The following SAMMSON variants were observed in gnomAD, a reference collection of about 807,000 sequenced individuals.
The protein encoded by SAMMSON is long intergenic non-protein coding RNA 1212.
At chr3:70,049,254 A>G (rs1433410435) in intron 3 of SAMMSON, among the ~76,000 whole-genome samples, 2 of 152,110 alleles carry the variant, frequency 1.3e-5, no homozygotes, top group Admixed American at 6.6e-5. Context: ...GTCTGTGCAT[A>G]TGATGCTTAG....
At chr3:70,223,275 C>T (rs535936102) in intron 4 of SAMMSON, among the ~76,000 whole-genome samples, 1 of 152,216 alleles carries the variant, frequency 6.6e-6, no homozygotes, top group Admixed American at 6.5e-5. Flanking sequence ...AGTTATTTAG[C>T]CAAGGTCACA....
intron 4 of SAMMSON, among the ~76,000 whole-genome samples, chr3:70,192,164 C>T (rs184317953): frequency 1.3e-5 from 2 of 152,258 alleles, no homozygotes; most frequent in South Asian, 2.1e-4. Context: ...TACCCCCTTT[C>T]CCCCAAAGTG....
intron 6 of SAMMSON, among the ~76,000 whole-genome samples, chr3:70,289,835 C>G (rs900269618): frequency 2.0e-5 from 3 of 152,048 alleles, no homozygotes; most frequent in African/African-American, 7.2e-5. Context: ...GATACCCTTT[C>G]TTCCAGTTGA....
At chr3:70,036,526 G>T (rs2067085736) in intron 3 of SAMMSON, among the ~76,000 whole-genome samples, 1 of 152,132 alleles carries the variant, frequency 6.6e-6, no homozygotes, top group South Asian at 2.1e-4. Flanking sequence ...ACCCAATTCT[G>T]ACCAATGAAA....
At chr3:70,133,405 T>G (rs1320215768) in intron 4 of SAMMSON, among the ~76,000 whole-genome samples, 2 of 152,188 alleles carry the variant, frequency 1.3e-5, no homozygotes, top group African/African-American at 4.8e-5. Flanking sequence ...GTCCCCCATG[T>G]CTTGCCCTAA....
chr3:70,293,045 CAAAAAAAA>C lies in SAMMSON; in HGVS notation n.739+1821_739+1828del, dbSNP rs55990203. ...GAACTTTGATTTCTGTGGTTTGAAG[CAAAAAAAA>C]AAAAAAAAAAAAAAAAAAGTAGCAT... On this transcript the variant is annotated intron_variant and non_coding_transcript_variant, in intron 7 of 9. Coordinates refer to ENST00000642114, the Ensembl canonical transcript of SAMMSON. Among the ~76,000 whole-genome samples the C allele has an allele frequency of 6.6e-3, 496 of 74,784 alleles. 6 individuals carry two copies. The highest frequency in any genetic ancestry group is 0.018 in the African/African-American group (444 of 24,504). The allele number at this position is 74,784 out of a possible 152,430, so 49.1% of individuals were successfully genotyped here.
rs1167897780 is a variant in SAMMSON at position 70,185,361 on chromosome 3, T to C, written n.508-63746T>C. Among the ~76,000 whole-genome samples the C allele has an allele frequency of 3.3e-5, 5 of 152,178 alleles. No individual in the cohort carries two copies. In the East Asian group the frequency reaches 9.7e-4, roughly 29 times the overall value. ...GTTGAAATGTCCACTAAAAGTTTCA[T>C]ACGGGAGCTCACATGTAGCTGGGAG... On this transcript the variant is annotated intron_variant and non_coding_transcript_variant, in intron 4 of 9. Transcript: ENST00000642114.
chr3:70,156,253 T>C (rs2067591477), intron 4 of SAMMSON, among the ~76,000 whole-genome samples: 1 of 152,050 alleles, frequency 6.6e-6, no homozygotes, highest in Non-Finnish European at 1.5e-5. Flanking sequence ...GAAGAGGAAA[T>C]ACAATGAACA....
chr3:70,282,360 T>A (rs1345615812), intron 6 of SAMMSON, among the ~76,000 whole-genome samples: 1 of 152,180 alleles, frequency 6.6e-6, no homozygotes, highest in East Asian at 1.9e-4. Flanking sequence ...CAAATGCTAA[T>A]GTGTCTTAAA....
chr3:70,219,043 G>A (rs1701438703), intron 4 of SAMMSON, among the ~76,000 whole-genome samples: 1 of 152,074 alleles, frequency 6.6e-6, no homozygotes, highest in South Asian at 2.1e-4. Context: ...CCAATTTTTA[G>A]TAAAGGCAGG....
At chr3:70,074,257 A>C (rs1482361558) in intron 4 of SAMMSON, among the ~76,000 whole-genome samples, 1 of 152,124 alleles carries the variant, frequency 6.6e-6, no homozygotes, top group East Asian at 1.9e-4. Context: ...TAGATAAGAT[A>C]CTAGAGCCAT....
intron 6 of SAMMSON, among the ~76,000 whole-genome samples, chr3:70,289,573 G>A (rs1208688046): frequency 2.2e-4 from 33 of 148,194 alleles, no homozygotes; most frequent in Non-Finnish European, 3.6e-4. Flanking sequence ...TCTTTGTGGC[G>A]TTCTCTGTAT....
At chr3:70,393,366 C>T (rs142422879), downstream of SAMMSON, among the ~76,000 whole-genome samples, 100 of 152,284 alleles carry the variant, frequency 6.6e-4, 1 homozygote, top group East Asian at 0.017. Context: ...GTGCTTTGTA[C>T]GATGCTTAAC....
intron 1 of SAMMSON, among the ~76,000 whole-genome samples, chr3:70,001,692 G>T (rs36042309): frequency 0.058 from 8,752 of 152,196 alleles, 350 homozygotes; most frequent in South Asian, 0.13. Context: ...CTCCTTGTGG[G>T]ATTGTAAATC....
intron 6 of SAMMSON, among the ~76,000 whole-genome samples, chr3:70,290,440 G>C (rs1183324328): frequency 6.6e-6 from 1 of 152,176 alleles, no homozygotes; most frequent in Non-Finnish European, 1.5e-5. Context: ...GCTGCGTACT[G>C]GGAGAACCAC....
chr3:70,396,717 C>A (rs1375995639), intron 2 of SAMMSON, among the ~76,000 whole-genome samples: 1 of 152,150 alleles, frequency 6.6e-6, no homozygotes, highest in Non-Finnish European at 1.5e-5. Context: ...TTACATAAGG[C>A]AAGCTATAAG....
At chr3:70,104,204 T>C (rs1251029919) in intron 4 of SAMMSON, among the ~76,000 whole-genome samples, 1 of 152,134 alleles carries the variant, frequency 6.6e-6, no homozygotes, top group African/African-American at 2.4e-5. Flanking sequence ...CACAGGACTT[T>C]TATATTTGTT....
At chr3:70,295,501 G>A (rs565524394) in intron 7 of SAMMSON, among the ~76,000 whole-genome samples, 82 of 152,116 alleles carry the variant, frequency 5.4e-4, no homozygotes, top group African/African-American at 2.0e-3. Context: ...CCAGGAGTTC[G>A]AGACTGGCCT....
rs1170296701 is a variant in SAMMSON at position 70,187,522 on chromosome 3, C to G, written n.508-61585C>G. Among the ~76,000 whole-genome samples the G allele has an allele frequency of 3.4e-5, 5 of 147,322 alleles. No homozygotes were observed. The Admixed American group carries it at 3.4e-4, about 10-fold the overall frequency. ...GCGCGATCTCGACTCACTGCAAGCT[C>G]CGCCTCCCGGGTTCACGCCATTCTC... On this transcript the variant is annotated intron_variant and non_coding_transcript_variant, in intron 4 of 9. Transcript: ENST00000642114.
Sources: gnomAD v4.1 joint callset for allele counts (sites outside exome capture counted in the v4.1 genomes callset) on GRCh38, gnomAD v4.1.1 for gene constraint, MANE v1.5 for transcripts, NCBI Gene and HGNC (gene_info 2026-07-23, HGNC 2026-07-21) for gene names.